Variants in CBLC observed in about 807,000 individuals in gnomAD.
The protein encoded by CBLC is Cbl proto-oncogene C.
In CBLC, 46 loss-of-function variants were observed where a neutral mutation model predicts 58.6. The observed-to-expected ratio is 0.79, with a 90% CI of 0.62 to 1.00. The LOEUF (loss-of-function observed/expected upper bound fraction) is 1.00, where lower values mean the gene tolerates loss of function less well. Ranked by LOEUF, CBLC falls within the 50% of genes least tolerant of loss-of-function variation. CBLC has a pLI of 0.00. For missense variants in CBLC, 655 were observed against 625.8 expected (o/e 1.05, Z -0.50); for synonymous variants, 271 against 264.2 (o/e 1.03, Z -0.25).
At chr19:44,790,141 C>T (rs1347061652) in intron 6 of CBLC, 50 bp downstream of exon 6, 6 of 1,419,974 alleles carry the variant, frequency 4.2e-6, no homozygotes, top group Non-Finnish European at 6.0e-6. Flanking sequence ...CCCTGCCACC[C>T]CCACGTTGCC....
intron 9 of CBLC, among the ~76,000 whole-genome samples, chr19:44,799,734 GAGAA>G (rs921567771): frequency 1.3e-5 from 2 of 150,002 alleles, no homozygotes; most frequent in African/African-American, 2.5e-5. Context: ...AGGAGGGAGA[GAGAA>G]AGGAAAGAGA....
At chr19:44,790,927 T>C (rs976479445) in intron 6 of CBLC, among the ~76,000 whole-genome samples, 3 of 151,918 alleles carry the variant, frequency 2.0e-5, no homozygotes, top group Non-Finnish European at 2.9e-5. Flanking sequence ...CTGGCCAACA[T>C]AGTGAAACCC....
At chr19:44,796,706 T>C (rs1383199108) in intron 9 of CBLC, among the ~76,000 whole-genome samples, 1 of 152,168 alleles carries the variant, frequency 6.6e-6, no homozygotes, top group Non-Finnish European at 1.5e-5. Flanking sequence ...TAATAAGCCC[T>C]GTCCTGGCTT....
At chr19:44,794,115 C>A (rs1311660027) in intron 8 of CBLC, 89 bp from the exon 9 acceptor site, 2 of 1,534,500 alleles carry the variant, frequency 1.3e-6, no homozygotes, top group East Asian at 2.3e-5. Context: ...AGAACAGTGC[C>A]TGAATGCTGA....
At chr19:44,779,314 G>A (rs1967660927) in intron 1 of CBLC, among the ~76,000 whole-genome samples, 1 of 152,078 alleles carries the variant, frequency 6.6e-6, no homozygotes, top group Non-Finnish European at 1.5e-5. Flanking sequence ...CACACCCAAA[G>A]AAACTGATCA....
In CBLC at chr19:44,778,239, G is replaced by A; in HGVS notation, c.308G>A (p.Arg103Gln). 6.9e-7 allele frequency: 1 copy of A among 1,457,200 alleles called. No individual in the cohort carries two copies. Among genetic ancestry groups the A allele is most frequent in the Non-Finnish European group, 9.0e-7 (1 of 1,106,664 alleles). The allele number at this position is 1,457,200 out of a possible 1,614,324, so 90.3% of individuals were successfully genotyped here. A position where few individuals can be genotyped will look rare whatever the true frequency, so the allele number is the denominator to read the frequency against. Residue 103 changes from arginine (R) to glutamine (Q), a missense_variant, in exon 1 of 11, where the codon CGA becomes CAA. Transcript: ENST00000647358. The stretch of plus-strand genomic sequence containing the variant: ...GCCGCGCTGCTGCCTCCCCGGGGCC[G>A]AAGGAGTGCCAACGACGAGCTCTTC... ...QVAALLPPRG[R>Q]RSANDELFRA...
At chr19:44,784,508 A>G in intron 5 of CBLC, 107 bp downstream of exon 5, 1 of 1,088,822 alleles carries the variant, frequency 9.2e-7, no homozygotes, top group Non-Finnish European at 1.3e-6. Context: ...GCAACCATTC[A>G]CATAGGGGAC....
At chr19:44,792,351 C>G (rs1328372658) in intron 6 of CBLC, 32 bp from the exon 7 acceptor site, 2 of 1,611,128 alleles carry the variant, frequency 1.2e-6, no homozygotes, top group Non-Finnish European at 1.7e-6. Context: ...ACGCATGCCC[C>G]TCGCTGTCTT....
chr19:44,791,305 C>T lies in CBLC; in HGVS notation c.1006-1078C>T, dbSNP rs560919712. Among the ~76,000 whole-genome samples the T allele has an allele frequency of 6.3e-4, 86 of 136,118 alleles. 2 individuals are homozygous for T. In the East Asian group the frequency reaches 0.013, roughly 20 times the overall value. The allele number at this position is 136,118 out of a possible 152,430, so 89.3% of individuals were successfully genotyped here. The stretch of plus-strand genomic sequence containing the variant: ...TGGGTAACGGAGTGGGGCTCTGTCC[C>T]GCAAAAAAAAAAAAAAAGAAAGAAA... On this transcript the variant is annotated intron_variant, in intron 6 of 10. Coordinates refer to ENST00000647358, the MANE Select transcript of CBLC (RefSeq NM_012116.4).
At chr19:44,795,802 G>A (rs143260099) in intron 9 of CBLC, among the ~76,000 whole-genome samples, 7 of 152,198 alleles carry the variant, frequency 4.6e-5, no homozygotes, top group African/African-American at 7.2e-5. Flanking sequence ...TGTCTTCTCC[G>A]TCATATCTCC....
At chr19:44,794,339 C>T (rs1433635259) in intron 9 of CBLC, 58 bp downstream of exon 9, 1 of 1,541,474 alleles carries the variant, frequency 6.5e-7, no homozygotes, top group African/African-American at 1.4e-5. Context: ...TCCAGGGTCC[C>T]TGGTTCACCT....
chr19:44,781,451 G>C, intron 3 of CBLC, 88 bp downstream of exon 3: 1 of 1,372,388 alleles, frequency 7.3e-7, no homozygotes, highest in Admixed American at 1.9e-5. Flanking sequence ...GAGGGAGGAA[G>C]GGCCGGGACC....
At chr19:44,799,693 A>AG (rs1491214160) in intron 9 of CBLC, among the ~76,000 whole-genome samples, 6 of 144,972 alleles carry the variant, frequency 4.1e-5, no homozygotes, top group Admixed American at 2.0e-4. Context: ...AAAAGTAAAG[A>AG]AAGAGAGAGA....
At chr19:44,783,801 C>T (rs1967812232) in intron 4 of CBLC, among the ~76,000 whole-genome samples, 1 of 152,196 alleles carries the variant, frequency 6.6e-6, no homozygotes, top group African/African-American at 2.4e-5. Flanking sequence ...CTCTGCTTTC[C>T]TCTGTTTGCT....
intron 9 of CBLC, among the ~76,000 whole-genome samples, chr19:44,797,232 G>A (rs2122511892): frequency 6.6e-6 from 1 of 152,144 alleles, no homozygotes; most frequent in Non-Finnish European, 1.5e-5. Context: ...TTCTCAGCAA[G>A]GCACTGTCAT....
intron 5 of CBLC, among the ~76,000 whole-genome samples, chr19:44,787,421 G>A (rs1967938570): frequency 6.6e-6 from 1 of 151,684 alleles, no homozygotes; most frequent in Non-Finnish European, 1.5e-5. Flanking sequence ...ATAAAATAAA[G>A]TCAATCGTAG....
chr19:44,785,223 C>T (rs1034592015), intron 5 of CBLC, among the ~76,000 whole-genome samples: 6 of 151,584 alleles, frequency 4.0e-5, no homozygotes, highest in East Asian at 1.9e-4. Context: ...GATCCACCCA[C>T]CTCGGCCTCC....
chr19:44,785,281 T>C (rs1396943219), intron 5 of CBLC, among the ~76,000 whole-genome samples: 2 of 151,718 alleles, frequency 1.3e-5, no homozygotes, highest in Non-Finnish European at 2.9e-5. Flanking sequence ...TCCTAAGTTT[T>C]GGATTTTTAA....
intron 5 of CBLC, among the ~76,000 whole-genome samples, chr19:44,786,806 A>C (rs2122449303): frequency 6.6e-6 from 1 of 152,116 alleles, no homozygotes; most frequent in South Asian, 2.1e-4. Flanking sequence ...GGGACCATTT[A>C]AAACAGAAAA....
Sources: gnomAD v4.1 joint callset for allele counts (sites outside exome capture counted in the v4.1 genomes callset) on GRCh38, gnomAD v4.1.1 for gene constraint, MANE v1.5 for transcripts, NCBI Gene and HGNC (gene_info 2026-07-23, HGNC 2026-07-21) for gene names.